Variants in ZNF609 observed in about 807,000 individuals in gnomAD.
The protein encoded by ZNF609 is zinc finger protein 609.
A neutral mutation model predicts 109.5 loss-of-function variants in ZNF609; 11 were observed. That is an observed-to-expected ratio of 0.10 (90% CI 0.06 to 0.17). ZNF609 has a LOEUF of 0.17. Ranked by LOEUF, ZNF609 falls within the 10% of genes least tolerant of loss-of-function variation. The pLI, the probability that ZNF609 is intolerant of heterozygous loss-of-function variation, is 1.00. For synonymous variants in ZNF609, 646 were observed against 662.0 expected (o/e 0.98, Z 0.37); for missense variants, 1,559 against 1,772.4 (o/e 0.88, Z 2.16).
intron 2 of ZNF609, among the ~76,000 whole-genome samples, chr15:64,590,533 G>A (rs944517302): frequency 2.6e-5 from 4 of 152,030 alleles, no homozygotes; most frequent in Non-Finnish European, 5.9e-5. Flanking sequence ...TAGCCAGGCT[G>A]GTCTTGAACT....
intron 2 of ZNF609, among the ~76,000 whole-genome samples, chr15:64,612,564 A>C (rs1295848050): frequency 1.3e-5 from 2 of 150,316 alleles, no homozygotes; most frequent in Non-Finnish European, 2.9e-5. Context: ...AACCAGATTT[A>C]TAATCAAATT....
chr15:64,655,849 C>T (rs762765158), intron 3 of ZNF609, among the ~76,000 whole-genome samples: 2 of 151,872 alleles, frequency 1.3e-5, no homozygotes, highest in Admixed American at 6.6e-5. Flanking sequence ...ATAAAAAGAA[C>T]ATATACAAAC....
At chr15:64,489,679 G>A (rs1566996478) in intron 1 of ZNF609, among the ~76,000 whole-genome samples, 1 of 151,566 alleles carries the variant, frequency 6.6e-6, no homozygotes, top group Non-Finnish European at 1.5e-5. Flanking sequence ...ACAGGCACCC[G>A]CCACCATGCA....
chr15:64,607,231 T>G (rs189223817), intron 2 of ZNF609, among the ~76,000 whole-genome samples: 1,571 of 152,078 alleles, frequency 0.01, 14 homozygotes, highest in Non-Finnish European at 0.016. Flanking sequence ...AATTTATTGG[T>G]GTCATATCAA....
chr15:64,563,124 T>G (rs1239180865), intron 2 of ZNF609, among the ~76,000 whole-genome samples: 1 of 151,482 alleles, frequency 6.6e-6, no homozygotes, highest in Non-Finnish European at 1.5e-5. Context: ...GCCTGGGCAA[T>G]GGAGCAAGAC....
At chr15:64,669,695 T>C (rs954888004) in intron 3 of ZNF609, among the ~76,000 whole-genome samples, 22 of 151,830 alleles carry the variant, frequency 1.4e-4, no homozygotes, top group African/African-American at 5.1e-4. Context: ...TGAGACGGAG[T>C]CTCACTCTGT....
chr15:64,551,652 C>CAA lies in ZNF609; in HGVS notation c.747+51501_747+51502dup, dbSNP rs536364048. 1.6e-3 allele frequency among the ~76,000 whole-genome samples: 144 copies of CAA among 91,058 alleles called. 1 individual carries two copies. The highest frequency in any genetic ancestry group is 4.5e-3 in the African/African-American group (134 of 29,552). The allele number at this position is 91,058 out of a possible 152,430, so 59.7% of individuals were successfully genotyped here. ...GGGCAACAAGAGTGAAACTCTGTCT[C>CAA]AAAAAAAAAAAAAAAAGAGAGAAAA... On this transcript the variant is annotated intron_variant, in intron 2 of 9. Transcript: ENST00000326648.
chr15:64,461,924 G>A (rs1255774186), intron 1 of ZNF609, among the ~76,000 whole-genome samples: 2 of 152,166 alleles, frequency 1.3e-5, no homozygotes, highest in Non-Finnish European at 2.9e-5. Context: ...GGTTTAGGCT[G>A]TTGTGAGGAG....
At chr15:64,608,530 A>G (rs1895650324) in intron 2 of ZNF609, among the ~76,000 whole-genome samples, 2 of 152,070 alleles carry the variant, frequency 1.3e-5, no homozygotes, top group South Asian at 2.1e-4. Context: ...AAGTTCATGT[A>G]TCCACCACCC....
chr15:64,616,741 G>A (rs912672853), intron 2 of ZNF609, among the ~76,000 whole-genome samples: 7 of 143,828 alleles, frequency 4.9e-5, no homozygotes, highest in African/African-American at 7.7e-5. Context: ...GGATGGTCTC[G>A]ATCTCCTGAC....
intron 2 of ZNF609, among the ~76,000 whole-genome samples, chr15:64,612,441 G>A (rs939220718): frequency 2.6e-5 from 4 of 152,022 alleles, no homozygotes; most frequent in African/African-American, 9.7e-5. Flanking sequence ...GAGCCACTGT[G>A]CCCGGCCTAT....
intron 2 of ZNF609, among the ~76,000 whole-genome samples, chr15:64,520,171 G>A (rs933988168): frequency 2.6e-5 from 4 of 152,126 alleles, no homozygotes; most frequent in African/African-American, 9.7e-5. Context: ...AGTACAGGAA[G>A]GTTTCTGGGT....
At chr15:64,492,332 G>T (rs1465916783) in intron 1 of ZNF609, among the ~76,000 whole-genome samples, 1 of 151,762 alleles carries the variant, frequency 6.6e-6, no homozygotes, top group East Asian at 1.9e-4. Flanking sequence ...AAGAAGAAAA[G>T]ATTGCCATTT....
chr15:64,531,610 G>A (rs1279439037), intron 2 of ZNF609, among the ~76,000 whole-genome samples: 3 of 151,898 alleles, frequency 2.0e-5, no homozygotes, highest in Non-Finnish European at 2.9e-5. Flanking sequence ...TGTTGCCCAG[G>A]CGGGTCTTGA....
chr15:64,584,214 T>C (rs186785811), intron 2 of ZNF609, among the ~76,000 whole-genome samples: 26 of 152,312 alleles, frequency 1.7e-4, no homozygotes, highest in Non-Finnish European at 2.5e-4. Flanking sequence ...ACTCGGCACT[T>C]TGGGAGGCCG....
intron 2 of ZNF609, among the ~76,000 whole-genome samples, chr15:64,506,045 A>G (rs1476633427): frequency 6.6e-6 from 1 of 152,178 alleles, no homozygotes; most frequent in Non-Finnish European, 1.5e-5. Context: ...TTTGTTTCCT[A>G]CCTTTGCACT....
intron 2 of ZNF609, among the ~76,000 whole-genome samples, chr15:64,531,084 T>C (rs1189174957): frequency 6.6e-6 from 1 of 152,178 alleles, no homozygotes; most frequent in African/African-American, 2.4e-5. Context: ...TACCTATAGC[T>C]CTCCTGTGGG....
At chr15:64,512,424 C>T (rs1437457525) in intron 2 of ZNF609, among the ~76,000 whole-genome samples, 2 of 152,102 alleles carry the variant, frequency 1.3e-5, no homozygotes, top group Non-Finnish European at 2.9e-5. Flanking sequence ...AAACCAGTCT[C>T]TTTTCTCATT....
intron 3 of ZNF609, among the ~76,000 whole-genome samples, chr15:64,648,714 T>C (rs1205041316): frequency 6.8e-6 from 1 of 147,590 alleles, no homozygotes; most frequent in Non-Finnish European, 1.5e-5. Flanking sequence ...GTATGCATTA[T>C]TGGAAATACT....
Sources: allele counts gnomAD v4.1 joint callset (sites outside exome capture counted in the v4.1 genomes callset), GRCh38; gene constraint gnomAD v4.1.1; transcripts MANE v1.5; gene names NCBI Gene and HGNC (gene_info 2026-07-23, HGNC 2026-07-21).